The following PLB1 variants were observed in gnomAD, a reference collection of about 807,000 sequenced individuals.
PLB1 encodes phospholipase B1.
PLB1 carries 242 observed loss-of-function variants against 227.4 expected under a neutral mutation model. That is an observed-to-expected ratio of 1.06 (90% CI 0.96 to 1.18). The LOEUF is 1.18. Ranked by LOEUF, PLB1 falls within the 50% of genes most tolerant of loss-of-function variation. The pLI is 0.00. For missense variants in PLB1, 1,858 were observed against 1,816.3 expected (o/e 1.02, Z -0.42); for synonymous variants, 757 against 682.2 (o/e 1.11, Z -1.71).
intron 8 of PLB1, among the ~76,000 whole-genome samples, 170 bp downstream of exon 8, chr2:28,529,949 G>A (rs1670803320): frequency 6.6e-6 from 1 of 152,100 alleles, no homozygotes; most frequent in African/African-American, 2.4e-5. Flanking sequence ...TTAGAGGAAA[G>A]GACCAATTCT....
intron 1 of PLB1, 53 bp downstream of exon 1, chr2:28,496,222 C>T: frequency 6.4e-7 from 1 of 1,556,522 alleles, no homozygotes; most frequent in South Asian, 1.1e-5. Flanking sequence ...CCGCTGGTGT[C>T]CCATGTTGCT....
At chr2:28,641,107 G>A (rs1052532819) in intron 57 of PLB1, 106 bp downstream of exon 57, 24 of 1,045,758 alleles carry the variant, frequency 2.3e-5, no homozygotes, top group African/African-American at 4.9e-5. Context: ...CCTCAAATGC[G>A]GCTTCACTCA....
intron 4 of PLB1, among the ~76,000 whole-genome samples, chr2:28,521,640 A>G (rs1296417229): frequency 3.9e-5 from 6 of 152,216 alleles, no homozygotes; most frequent in Non-Finnish European, 8.8e-5. Context: ...AAAGAAAAAG[A>G]CAAAAGGAGA....
chr2:28,583,678 A>G (rs969639707), intron 25 of PLB1, among the ~76,000 whole-genome samples: 18 of 152,270 alleles, frequency 1.2e-4, no homozygotes, highest in African/African-American at 4.3e-4. Flanking sequence ...AAGCATGCCC[A>G]CAAAGGGTAG....
chr2:28,640,253 A>T (rs1301447764), intron 56 of PLB1, among the ~76,000 whole-genome samples: 2 of 152,204 alleles, frequency 1.3e-5, no homozygotes, highest in East Asian at 3.8e-4. Context: ...TGCTGGCCAC[A>T]GGTTGGGCCT....
At chr2:28,528,173 C>T (rs762768852) in intron 6 of PLB1, among the ~76,000 whole-genome samples, 10 of 152,218 alleles carry the variant, frequency 6.6e-5, no homozygotes, top group Non-Finnish European at 1.5e-4. Flanking sequence ...CTCCCACCCG[C>T]ACCCTGCCTG....
At chr2:28,560,308 G>A (rs542195742) in intron 17 of PLB1, among the ~76,000 whole-genome samples, 1 of 152,214 alleles carries the variant, frequency 6.6e-6, no homozygotes, top group South Asian at 2.1e-4. Flanking sequence ...TGAGGTAATT[G>A]GGGGAGTGGG....
intron 8 of PLB1, among the ~76,000 whole-genome samples, chr2:28,531,124 G>A (rs942973640): frequency 6.6e-6 from 1 of 152,052 alleles, no homozygotes; most frequent in Admixed American, 6.6e-5. Flanking sequence ...GTTCATAACC[G>A]AAAAAATCAG....
intron 1 of PLB1, among the ~76,000 whole-genome samples, chr2:28,506,401 G>T (rs183902439): frequency 4.1e-4 from 62 of 152,248 alleles, no homozygotes; most frequent in African/African-American, 1.4e-3. Flanking sequence ...GGAGGGCATG[G>T]CAATGATGGG....
intron 17 of PLB1, among the ~76,000 whole-genome samples, chr2:28,557,469 G>A (rs182188667): frequency 2.0e-5 from 3 of 152,196 alleles, no homozygotes; most frequent in African/African-American, 7.2e-5. Flanking sequence ...ATGTTTTTCA[G>A]ATTAGGGCCC....
chr2:28,620,453 G>A (rs1298950191), intron 47 of PLB1, 121 bp downstream of exon 47: 66 of 1,340,742 alleles, frequency 4.9e-5, no homozygotes, highest in Non-Finnish European at 6.6e-5. Context: ...GCTGAGACAG[G>A]AGACTCAATG....
At chr2:28,628,997 T>G in intron 52 of PLB1, 97 bp from the exon 53 acceptor site, 4 of 1,014,528 alleles carry the variant, frequency 3.9e-6, no homozygotes, top group Non-Finnish European at 5.9e-6. Flanking sequence ...TCTTCATTGG[T>G]AAAATTGAGG....
intron 20 of PLB1, among the ~76,000 whole-genome samples, chr2:28,567,426 C>T (rs1403114185): frequency 6.7e-6 from 1 of 149,872 alleles, no homozygotes; most frequent in East Asian, 1.9e-4. Context: ...CAGCACTTTC[C>T]TTAATTTACT....
rs773112156 is a variant in PLB1 at position 28,552,912 on chromosome 2, GT to G, written c.1084-15del. On this transcript the variant is annotated splice_polypyrimidine_tract_variant and intron_variant, in intron 16 of 57. Coordinates refer to ENST00000327757, the MANE Select transcript of PLB1 (RefSeq NM_153021.5). ...AAAAATCCATTTTCCTTATTTCCCT[GT>G]GTGTCTCATTTCAGGTAAGAGAAGG... 6.2e-7 allele frequency: 1 copy of G among 1,612,340 alleles called. No homozygotes were observed. The highest frequency in any genetic ancestry group is 2.2e-5 in the East Asian group (1 of 44,870).
chr2:28,643,284 C>T lies in PLB1; in HGVS notation c.*223C>T, dbSNP rs760893872. The T allele has an allele frequency of 5.0e-5, 22 of 440,406 alleles. No homozygotes were observed. The highest frequency in any genetic ancestry group is 3.1e-4 in the South Asian group (6 of 19,566). The allele number at this position is 440,406 out of a possible 1,614,324, so 27.3% of individuals were successfully genotyped here. A position where few individuals can be genotyped will look rare whatever the true frequency, so the allele number is the denominator to read the frequency against. On this transcript the variant is annotated 3_prime_UTR_variant, in exon 58 of 58. Coordinates refer to ENST00000327757, the MANE Select transcript of PLB1 (RefSeq NM_153021.5). ...GCTATTTTATTCCTGGGTTTGCCTG[C>T]GTGAAGCACTCACCTTCCATCTCTT...
chr2:28,601,993 A>G lies in PLB1; in HGVS notation c.2673+29A>G, dbSNP rs776993696. The G allele has an allele frequency of 1.9e-6, 3 of 1,565,262 alleles. No homozygotes were observed. In the East Asian group the frequency reaches 6.7e-5, roughly 35 times the overall value. On this transcript the variant is annotated intron_variant, in intron 38 of 57. Transcript: ENST00000327757. The stretch of plus-strand genomic sequence containing the variant: ...GGTGGGGGGCTTCCACAAGCTGGTA[A>G]CAGCTCAAGCATGGTGAGGGTGAAG...
At position 28,581,493 on chromosome 2, in the gene PLB1, ATAAATAAAT is replaced by A. The variant is rs1558821515; in HGVS notation, c.1567-574_1567-566del. On this transcript the variant is annotated intron_variant, in intron 23 of 57. Coordinates refer to ENST00000327757, the MANE Select transcript of PLB1 (RefSeq NM_153021.5). ...TCCAGAGCTCCACGCAAAAAAATAA[ATAAATAAAT>A]AAATAAATAAATAAATAAATAAATA... Among the ~76,000 whole-genome samples the A allele has an allele frequency of 4.4e-3, 294 of 66,606 alleles. 7 individuals carry two copies. The highest frequency in any genetic ancestry group is 0.011 in the South Asian group (25 of 2,298). 43.7% of individuals were successfully genotyped at this position (66,606 alleles called of 152,430 possible).
At chr2:28,515,600 T>C (rs1233739310) in intron 1 of PLB1, among the ~76,000 whole-genome samples, 3 of 152,214 alleles carry the variant, frequency 2.0e-5, no homozygotes, top group African/African-American at 7.2e-5. Context: ...ACATATACTG[T>C]TGTTCTTCAT....
chr2:28,569,700 T>C (rs1677665051), intron 20 of PLB1, among the ~76,000 whole-genome samples: 1 of 152,102 alleles, frequency 6.6e-6, no homozygotes, highest in South Asian at 2.1e-4. Context: ...GCGTGGTGGC[T>C]CACGCCTGTA....
Sources: allele counts gnomAD v4.1 joint callset (sites outside exome capture counted in the v4.1 genomes callset), GRCh38; gene constraint gnomAD v4.1.1; transcripts MANE v1.5; gene names NCBI Gene and HGNC (gene_info 2026-07-23, HGNC 2026-07-21).